The following SMIM36 variants were observed in gnomAD, a reference collection of about 807,000 sequenced individuals.
The protein encoded by SMIM36 is small integral membrane protein 36.
the SMIM36 span, among the ~76,000 whole-genome samples, chr17:55,524,092 T>C: frequency 6.6e-6 from 1 of 152,090 alleles, no homozygotes; most frequent in Non-Finnish European, 1.5e-5. Flanking sequence ...CACCCTCAAG[T>C]AGGCTCCAGT....
At chr17:55,495,630 T>TTA (rs1909795041) in intron 1 of SMIM36, among the ~76,000 whole-genome samples, 1 of 73,658 alleles carries the variant, frequency 1.4e-5, no homozygotes, top group African/African-American at 2.5e-4. Context: ...CTCTATAAAT[T>TTA]TTTTTTTTTT....
Position 55,456,116 on chromosome 17 carries a change from CAAAAAAAAAAAAA to C in SMIM36, c.*532-5831_*532-5819del, listed in dbSNP as rs10546288. Among the ~76,000 whole-genome samples, 302 of 39,552 alleles carry C rather than the reference CAAAAAAAAAAAAA, an allele frequency of 7.6e-3. 1 individual carries two copies. Among genetic ancestry groups the C allele is most frequent in the African/African-American group, 0.025 (282 of 11,388 alleles). 25.9% of individuals were successfully genotyped at this position (39,552 alleles called of 152,430 possible). On this transcript the variant is annotated intron_variant, in intron 4 of 4. Coordinates refer to ENST00000636752, the Ensembl canonical transcript of SMIM36. Reference sequence around the variant, plus strand: ...CTGGGCAACAAGTGCAAAACTGTCTCAAAAAAAAAAAAAAAAAAAAAAAAAAAAAGGATCATTT... The same window carrying C: ...CTGGGCAACAAGTGCAAAACTGTCTCAAAAAAAAAAAAAAAAGGATCATTT...
chr17:55,518,476 C>T, the SMIM36 span, among the ~76,000 whole-genome samples: 1 of 151,922 alleles, frequency 6.6e-6, no homozygotes, highest in Non-Finnish European at 1.5e-5. Flanking sequence ...GCTGAGTGAT[C>T]GATCAAGTAA....
intron 4 of SMIM36, among the ~76,000 whole-genome samples, chr17:55,457,171 C>A (rs1039295400): frequency 4.6e-4 from 70 of 151,996 alleles, no homozygotes; most frequent in Admixed American, 1.0e-3. Flanking sequence ...ATAAATGGGC[C>A]AGTTGTGGTG....
chr17:55,513,334 G>A (rs1318261344), upstream of SMIM36, among the ~76,000 whole-genome samples: 1 of 152,154 alleles, frequency 6.6e-6, no homozygotes, highest in East Asian at 1.9e-4. Context: ...TATTCCAGGG[G>A]GCATTCAACA....
chr17:55,513,281 G>A (rs1910212760), upstream of SMIM36, among the ~76,000 whole-genome samples: 1 of 152,144 alleles, frequency 6.6e-6, no homozygotes, highest in African/African-American at 2.4e-5. Flanking sequence ...GAAGAAAATG[G>A]GCCAATATGC....
At chr17:55,450,348 G>A (rs986809686) in intron 4 of SMIM36, 50 bp from the exon 5 acceptor site, 1 of 152,218 alleles carries the variant, frequency 6.6e-6, no homozygotes, top group African/African-American at 2.4e-5. Context: ...CACTCATTGT[G>A]TGCTAAATTG....
upstream of SMIM36, among the ~76,000 whole-genome samples, chr17:55,513,547 G>A (rs746054453): frequency 1.3e-5 from 2 of 152,236 alleles, no homozygotes; most frequent in Non-Finnish European, 1.5e-5. Flanking sequence ...GCACCAGACA[G>A]AAGCGAGGCT....
chr17:55,498,866 G>C (rs1391756867), intron 1 of SMIM36, among the ~76,000 whole-genome samples: 1 of 151,750 alleles, frequency 6.6e-6, no homozygotes, highest in Non-Finnish European at 1.5e-5. Flanking sequence ...CTGCATGGTG[G>C]CATGCACTTG....
chr17:55,518,994 T>G, the SMIM36 span, among the ~76,000 whole-genome samples: 21 of 129,510 alleles, frequency 1.6e-4, no homozygotes, highest in Middle Eastern at 3.8e-3. Flanking sequence ...GATATTTGGG[T>G]TTTTTTTTTT....
intron 1 of SMIM36, among the ~76,000 whole-genome samples, chr17:55,486,502 C>G (rs747084429): frequency 3.3e-5 from 5 of 152,286 alleles, no homozygotes; most frequent in Admixed American, 6.5e-5. Flanking sequence ...TTCCTCTGAT[C>G]AGAACTGGCT....
In SMIM36 at chr17:55,489,587, T is replaced by C. The variant is rs530843737; in HGVS notation, c.*175-10007A>G. ...AAACTACAAAAGAGATCATACCACA[T>C]AGACCATCACACTCCTCTGCAATCC... On this transcript the variant is annotated intron_variant, in intron 1 of 4. Coordinates refer to ENST00000636752, the Ensembl canonical transcript of SMIM36. 5.9e-5 allele frequency among the ~76,000 whole-genome samples: 9 copies of C among 152,352 alleles called. No homozygotes were observed. The Middle Eastern group carries it at 0.017, about 288-fold the overall frequency.
In SMIM36 at chr17:55,498,618, G is replaced by A. The variant is rs553892836; in HGVS notation, c.*174+12261C>T. On this transcript the variant is annotated intron_variant, in intron 1 of 4. Transcript: ENST00000636752. Reference sequence around the variant, plus strand: ...TTTAGAGATGAGGTCTTGCTATGTGGCCTAGCCTCATCTCAGACTCCTGGG... The same window carrying A: ...TTTAGAGATGAGGTCTTGCTATGTGACCTAGCCTCATCTCAGACTCCTGGG... Among the ~76,000 whole-genome samples the A allele has an allele frequency of 1.7e-3, 259 of 150,900 alleles. 2 individuals are homozygous for A. The highest frequency in any genetic ancestry group is 6.0e-3 in the African/African-American group (243 of 40,820).
chr17:55,484,234 T>C lies in SMIM36; in HGVS notation c.*175-4654A>G, dbSNP rs182728080. Among the ~76,000 whole-genome samples the C allele has an allele frequency of 3.6e-4, 55 of 152,254 alleles. No homozygotes were observed. The East Asian group carries it at 7.7e-3, about 21-fold the overall frequency. On this transcript the variant is annotated intron_variant, in intron 1 of 4. Coordinates refer to ENST00000636752, the Ensembl canonical transcript of SMIM36. Reference sequence around the variant, plus strand: ...AGGTTTCAACTTCCCGTTCTGAAAATTGACCATTAAAAGGAAAGAGTTAAG... The same window carrying C: ...AGGTTTCAACTTCCCGTTCTGAAAACTGACCATTAAAAGGAAAGAGTTAAG...
At chr17:55,509,105 A>G (rs147222341) in intron 1 of SMIM36, among the ~76,000 whole-genome samples, 64 of 152,340 alleles carry the variant, frequency 4.2e-4, no homozygotes, top group African/African-American at 1.4e-3. Flanking sequence ...AAAACAAAGT[A>G]ACTGGGATTA....
upstream of SMIM36, among the ~76,000 whole-genome samples, chr17:55,515,095 T>TTG (rs1161100657): frequency 6.0e-4 from 63 of 104,272 alleles, no homozygotes; most frequent in Non-Finnish European, 8.7e-4. Context: ...TGTTTTTTTT[T>TTG]TTTTTTTTTT....
At position 55,507,601 on chromosome 17, in the gene SMIM36, A is replaced by G. The variant is rs181741747; in HGVS notation, c.*174+3278T>C. Among the ~76,000 whole-genome samples, 2,121 of 110,118 alleles carry G rather than the reference A, an allele frequency of 0.019. 88 individuals carry two copies. The East Asian group carries it at 0.21, about 11-fold the overall frequency. 72.2% of individuals were successfully genotyped at this position (110,118 alleles called of 152,430 possible). Reference sequence around the variant, plus strand: ...GGTGGGGTGGGGGGAGGGGGGAGGGATAGCATTGGGAGATATACCTAATGC... The same window carrying G: ...GGTGGGGTGGGGGGAGGGGGGAGGGGTAGCATTGGGAGATATACCTAATGC... On this transcript the variant is annotated intron_variant, in intron 1 of 4. Transcript: ENST00000636752.
chr17:55,491,934 G>T (rs551030438), intron 1 of SMIM36, among the ~76,000 whole-genome samples: 3,928 of 152,088 alleles, frequency 0.026, 64 homozygotes, highest in South Asian at 0.06. Context: ...CCGAGGTGGG[G>T]GAATCACGAG....
At chr17:55,502,355 C>G (rs1329332406) in intron 1 of SMIM36, among the ~76,000 whole-genome samples, 1 of 103,094 alleles carries the variant, frequency 9.7e-6, no homozygotes, top group African/African-American at 5.1e-5. Flanking sequence ...CAGTGGTTCT[C>G]CCAGCATGCA....
Sources: gnomAD v4.1 joint callset for allele counts (sites outside exome capture counted in the v4.1 genomes callset) on GRCh38, gnomAD v4.1.1 for gene constraint, MANE v1.5 for transcripts, NCBI Gene and HGNC (gene_info 2026-07-23, HGNC 2026-07-21) for gene names.